The following WDPCP variants were observed in gnomAD, a reference collection of about 807,000 sequenced individuals.
WDPCP encodes the protein WD repeat-containing and planar cell polarity effector protein fritz homolog.
A neutral mutation model predicts 93.1 loss-of-function variants in WDPCP; 71 were observed. The observed-to-expected ratio is 0.76, with a 90% CI of 0.63 to 0.93. The LOEUF is 0.93. WDPCP is among the 40% of genes least tolerant of loss of function. The probability of loss-of-function intolerance (pLI) is 0.00; values close to 1 mark genes in which losing one functional copy is unlikely to be tolerated. For synonymous variants in WDPCP, 315 were observed against 315.0 expected (o/e 1.00, Z 0.00); for missense variants, 844 against 887.4 (o/e 0.95, Z 0.62).
At chr2:63,810,591 T>C (rs1575779644) in intron 2 of WDPCP, among the ~76,000 whole-genome samples, 1 of 152,262 alleles carries the variant, frequency 6.6e-6, no homozygotes, top group South Asian at 2.1e-4. Context: ...AAGAATTCCC[T>C]AAAATCTGGG....
intron 1 of WDPCP, among the ~76,000 whole-genome samples, chr2:63,494,025 A>G (rs941771858): frequency 2.6e-5 from 4 of 152,240 alleles, no homozygotes; most frequent in African/African-American, 7.2e-5. Flanking sequence ...TTTCAGACAT[A>G]GTACAAACTT....
At chr2:63,775,212 C>A (rs1670284517) in intron 2 of WDPCP, among the ~76,000 whole-genome samples, 1 of 152,188 alleles carries the variant, frequency 6.6e-6, no homozygotes. Context: ...TTTACCCTTT[C>A]TTATAGTCCA....
At chr2:63,397,971 G>A (rs1693864506) in intron 10 of WDPCP, among the ~76,000 whole-genome samples, 1 of 152,152 alleles carries the variant, frequency 6.6e-6, no homozygotes, top group Admixed American at 6.6e-5. Context: ...ATCTGCTGCT[G>A]TTCCAAGATA....
rs557351318 is a variant in WDPCP, at chr2:63,522,954, C to T, written c.76-30014G>A. Among the ~76,000 whole-genome samples the T allele has an allele frequency of 1.8e-4, 27 of 152,258 alleles. 1 individual carries two copies. The South Asian group carries it at 5.6e-3, about 32-fold the overall frequency. On this transcript the variant is annotated intron_variant, in intron 1 of 17. Coordinates refer to ENST00000272321, the MANE Select transcript of WDPCP (RefSeq NM_015910.7). The stretch of plus-strand genomic sequence containing the variant: ...AGAAGGGATTCTTCTTTAACTCATT[C>T]TATGAGGCCAGCATCATCCTGATAC...
chr2:63,146,627 G>A (rs1039049328), intron 17 of WDPCP, among the ~76,000 whole-genome samples: 2 of 152,068 alleles, frequency 1.3e-5, no homozygotes, highest in African/African-American at 4.8e-5. Flanking sequence ...TACCCGCCTC[G>A]GCCTCCCAAA....
At chr2:63,197,208 T>G (rs1199190955) in intron 14 of WDPCP, among the ~76,000 whole-genome samples, 1 of 152,080 alleles carries the variant, frequency 6.6e-6, no homozygotes, top group Non-Finnish European at 1.5e-5. Flanking sequence ...AAGACCTTTA[T>G]GATAATTCAC....
intron 13 of WDPCP, among the ~76,000 whole-genome samples, chr2:63,287,688 A>G (rs1364541214): frequency 6.6e-6 from 1 of 152,238 alleles, no homozygotes; most frequent in African/African-American, 2.4e-5. Context: ...ACATGCATAC[A>G]CATGCATCTT....
chr2:63,628,335 A>T (rs911211906), intron 3 of WDPCP, among the ~76,000 whole-genome samples: 2 of 152,322 alleles, frequency 1.3e-5, no homozygotes, highest in Admixed American at 1.3e-4. Flanking sequence ...CATAAAGATA[A>T]TTACATTCAC....
chr2:63,436,600 T>C (rs1048631788), intron 8 of WDPCP, among the ~76,000 whole-genome samples: 13 of 152,116 alleles, frequency 8.5e-5, no homozygotes, highest in Admixed American at 2.6e-4. Flanking sequence ...TAAGTGTGCA[T>C]CTTTTTTAAG....
At chr2:63,182,287 A>C (rs1247920768) in intron 14 of WDPCP, among the ~76,000 whole-genome samples, 3 of 152,038 alleles carry the variant, frequency 2.0e-5, no homozygotes, top group Non-Finnish European at 4.4e-5. Flanking sequence ...TGGTCTTATC[A>C]TATATTGCTT....
At chr2:63,509,671 G>C (rs993013172) in intron 1 of WDPCP, among the ~76,000 whole-genome samples, 4 of 151,934 alleles carry the variant, frequency 2.6e-5, no homozygotes, top group South Asian at 2.1e-4. Context: ...TAACAAAATA[G>C]ATAGACCACT....
At chr2:63,634,645 A>G (rs542882504) in intron 3 of WDPCP, among the ~76,000 whole-genome samples, 20 of 152,332 alleles carry the variant, frequency 1.3e-4, no homozygotes, top group Admixed American at 3.9e-4. Context: ...TAACAAATTT[A>G]AGAAGCCGAA....
chr2:63,444,731 C>G (rs951286032), intron 6 of WDPCP, among the ~76,000 whole-genome samples: 6 of 152,144 alleles, frequency 3.9e-5, no homozygotes, highest in African/African-American at 1.4e-4. Context: ...AGTGGTATCT[C>G]CCAACACTGT....
At chr2:63,435,639 C>A (rs2105482700) in intron 8 of WDPCP, among the ~76,000 whole-genome samples, 1 of 152,190 alleles carries the variant, frequency 6.6e-6, no homozygotes, top group East Asian at 1.9e-4. Flanking sequence ...TAGGAAATTT[C>A]ATGTTTCCTA....
intron 6 of WDPCP, among the ~76,000 whole-genome samples, chr2:63,475,780 T>C (rs1413023829): frequency 1.3e-5 from 2 of 152,112 alleles, no homozygotes; most frequent in African/African-American, 4.8e-5. Context: ...TCTTTATGTT[T>C]CTTCTGTTGG....
chr2:63,326,434 G>A (rs577372215), intron 12 of WDPCP, among the ~76,000 whole-genome samples: 2 of 152,232 alleles, frequency 1.3e-5, no homozygotes, highest in East Asian at 1.9e-4. Flanking sequence ...CCTCTTCCCC[G>A]AGGGACCAGC....
Position 63,163,254 on chromosome 2 carries a change from C to T in WDPCP, c.2079-9680G>A, listed in dbSNP as rs926712736. ...AAAATAGCTATAGAGTCAGTGAAAACGTGTAAACATCTTTAGATTGCCAAA... is the reference window on the plus strand; with the variant it reads ...AAAATAGCTATAGAGTCAGTGAAAATGTGTAAACATCTTTAGATTGCCAAA... On this transcript the variant is annotated intron_variant, in intron 15 of 17. Coordinates refer to ENST00000272321, the MANE Select transcript of WDPCP (RefSeq NM_015910.7). Among the ~76,000 whole-genome samples the T allele has an allele frequency of 2.6e-5, 4 of 152,122 alleles. No homozygotes were observed. The East Asian group carries it at 5.8e-4, about 22-fold the overall frequency.
intron 14 of WDPCP, among the ~76,000 whole-genome samples, chr2:63,195,255 A>G (rs1193703239): frequency 6.6e-6 from 1 of 152,166 alleles, no homozygotes; most frequent in Non-Finnish European, 1.5e-5. Context: ...CAAATTTACA[A>G]ACTGTTCAAA....
intron 3 of WDPCP, among the ~76,000 whole-genome samples, chr2:63,624,683 A>C (rs1709787910): frequency 6.6e-6 from 1 of 152,336 alleles, no homozygotes; most frequent in East Asian, 1.9e-4. Context: ...TTCAGTCAGG[A>C]ATTAATAGCT....
Sources: allele counts gnomAD v4.1 joint callset (sites outside exome capture counted in the v4.1 genomes callset), GRCh38; gene constraint gnomAD v4.1.1; transcripts MANE v1.5; gene names NCBI Gene and HGNC (gene_info 2026-07-23, HGNC 2026-07-21).